The following KAT2B variants were observed in gnomAD, a reference collection of about 807,000 sequenced individuals.
The protein encoded by KAT2B is histone acetyltransferase KAT2B.
In KAT2B, 36 loss-of-function variants were observed where a neutral mutation model predicts 105.9. That is an observed-to-expected ratio of 0.34 (90% confidence interval 0.26 to 0.45). The LOEUF (loss-of-function observed/expected upper bound fraction) is 0.45, where lower values mean the gene tolerates loss of function less well. Ranked by LOEUF, KAT2B falls within the 20% of genes least tolerant of loss-of-function variation. The pLI is 1.00. For synonymous variants in KAT2B, 397 were observed against 377.9 expected (o/e 1.05, Z -0.59); for missense variants, 820 against 1,021.6 (o/e 0.80, Z 2.69).
chr3:20,050,726 C>G (rs1196355688), intron 1 of KAT2B, among the ~76,000 whole-genome samples: 1 of 143,816 alleles, frequency 7.0e-6, no homozygotes, highest in Non-Finnish European at 1.5e-5. Flanking sequence ...TTTTTTGAGA[C>G]GGAGTCTCGC....
intron 1 of KAT2B, among the ~76,000 whole-genome samples, chr3:20,067,280 C>G (rs1481772558): frequency 6.6e-6 from 1 of 152,064 alleles, no homozygotes; most frequent in Non-Finnish European, 1.5e-5. Flanking sequence ...ATTAAGCACT[C>G]TATCACAAGT....
At chr3:20,119,549 A>G (rs763185872) in intron 7 of KAT2B, 49 bp from the exon 8 acceptor site, 3 of 1,608,924 alleles carry the variant, frequency 1.9e-6, no homozygotes, top group Admixed American at 3.3e-5. Context: ...CTTGTTACCT[A>G]AGAAAGGAGT....
At chr3:20,074,846 T>C (rs940488804) in intron 2 of KAT2B, among the ~76,000 whole-genome samples, 2 of 152,208 alleles carry the variant, frequency 1.3e-5, no homozygotes, top group Non-Finnish European at 2.9e-5. Flanking sequence ...GTGCCTGTTA[T>C]GTGTTTAACT....
intron 2 of KAT2B, among the ~76,000 whole-genome samples, chr3:20,083,896 C>T (rs1030890739): frequency 3.3e-5 from 5 of 151,980 alleles, no homozygotes; most frequent in African/African-American, 7.3e-5. Context: ...AGTCATTTTC[C>T]GTGATGGTGG....
chr3:20,062,487 A>G (rs1052610346), intron 1 of KAT2B, among the ~76,000 whole-genome samples: 2 of 138,182 alleles, frequency 1.4e-5, no homozygotes, highest in Non-Finnish European at 3.0e-5. Context: ...TATTAGAGGT[A>G]GTTTTGCTCT....
At position 20,094,382 on chromosome 3, in the gene KAT2B, G is replaced by A. The variant is rs183059205; in HGVS notation, c.431-881G>A. 3.9e-5 allele frequency among the ~76,000 whole-genome samples: 6 copies of A among 152,238 alleles called. No homozygotes were observed. In the East Asian group the frequency reaches 9.7e-4, roughly 25 times the overall value. On this transcript the variant is annotated intron_variant, in intron 2 of 17. Transcript: ENST00000263754. ...CCATGATCCAATCACTTCCCAGCAG[G>A]TCCCTCCCTTGACATGTGGGGATTG...
intron 9 of KAT2B, among the ~76,000 whole-genome samples, chr3:20,125,611 A>C (rs751031959): frequency 1.3e-5 from 2 of 152,218 alleles, no homozygotes; most frequent in Non-Finnish European, 2.9e-5. Flanking sequence ...AATATTTTCT[A>C]TCTGGCCCTT....
intron 1 of KAT2B, among the ~76,000 whole-genome samples, chr3:20,055,946 G>A (rs1247263962): frequency 6.6e-6 from 1 of 152,128 alleles, no homozygotes; most frequent in Non-Finnish European, 1.5e-5. Flanking sequence ...ATTAATCCGT[G>A]GTGTTGGATG....
chr3:20,046,286 A>G (rs1294504572), intron 1 of KAT2B, among the ~76,000 whole-genome samples: 1 of 152,176 alleles, frequency 6.6e-6, no homozygotes, highest in African/African-American at 2.4e-5. Flanking sequence ...ATTAGTCTTA[A>G]TTGAAAAAAT....
chr3:20,086,757 T>C (rs1168572003), intron 2 of KAT2B, among the ~76,000 whole-genome samples: 1 of 152,138 alleles, frequency 6.6e-6, no homozygotes, highest in Non-Finnish European at 1.5e-5. Context: ...TTAAACTGTC[T>C]TCCTCTAGGA....
At chr3:20,143,629 A>G (rs12639214) in intron 13 of KAT2B, among the ~76,000 whole-genome samples, 42,145 of 152,120 alleles carry the variant, frequency 0.28, 6,381 homozygotes, top group East Asian at 0.58. Context: ...CATGAAATCA[A>G]TTCAGGTGCC....
intron 2 of KAT2B, among the ~76,000 whole-genome samples, chr3:20,086,206 G>A (rs912944721): frequency 6.6e-6 from 1 of 152,054 alleles, no homozygotes; most frequent in African/African-American, 2.4e-5. Flanking sequence ...CAGAAAAGTC[G>A]AGGCTGCAGT....
Position 20,114,916 on chromosome 3 carries a change from C to A in KAT2B, c.1078C>A (p.Gln360Lys). 5 of 1,611,550 alleles carry A rather than the reference C, an allele frequency of 3.1e-6. No homozygotes were observed. The highest frequency in any genetic ancestry group is 3.4e-6 in the Non-Finnish European group (4 of 1,177,960). The stretch of plus-strand genomic sequence containing the variant: ...CATGCTAGAAGAAGAAGTATATAGT[C>A]AAAACTCTCCCATCTGGGATCAGGA... ...LSMLEEEVYS[Q>K]NSPIWDQDFL... The change falls in exon 7 of 18, where the codon CAA (glutamine) becomes AAA (lysine). Residue 360 changes from glutamine to lysine, a missense_variant. Transcript: ENST00000263754.
At chr3:20,117,828 A>C (rs1178933569) in intron 7 of KAT2B, among the ~76,000 whole-genome samples, 1 of 152,194 alleles carries the variant, frequency 6.6e-6, no homozygotes, top group African/African-American at 2.4e-5. Context: ...CCAGTCAGCA[A>C]CACAGCTAGC....
intron 11 of KAT2B, among the ~76,000 whole-genome samples, chr3:20,131,270 C>G (rs1699507113): frequency 6.6e-6 from 1 of 152,056 alleles, no homozygotes; most frequent in South Asian, 2.1e-4. Context: ...CTGCTTCGGC[C>G]TCCCAAAGTG....
At chr3:20,052,332 A>T (rs890960815) in intron 1 of KAT2B, among the ~76,000 whole-genome samples, 2 of 152,232 alleles carry the variant, frequency 1.3e-5, no homozygotes, top group African/African-American at 4.8e-5. Context: ...TAGAAGCTCC[A>T]TGAAGCGGAG....
chr3:20,121,442 GA>G (rs1004453767), intron 8 of KAT2B, among the ~76,000 whole-genome samples: 5 of 152,064 alleles, frequency 3.3e-5, no homozygotes, highest in African/African-American at 7.2e-5. Flanking sequence ...ATAGAAAGGA[GA>G]AAAAAACTAC....
intron 2 of KAT2B, among the ~76,000 whole-genome samples, chr3:20,082,857 G>A (rs971393985): frequency 7.9e-5 from 12 of 151,932 alleles, no homozygotes; most frequent in Admixed American, 6.6e-5. Context: ...ATTCAAGGTG[G>A]TAAGAAAAAG....
chr3:20,131,378 C>T (rs1274505349), intron 11 of KAT2B, among the ~76,000 whole-genome samples: 2 of 151,982 alleles, frequency 1.3e-5, no homozygotes, highest in African/African-American at 2.4e-5. Flanking sequence ...TGAGACATCA[C>T]ACTGCCCAAG....
Sources: allele counts gnomAD v4.1 joint callset (sites outside exome capture counted in the v4.1 genomes callset), GRCh38; gene constraint gnomAD v4.1.1; transcripts MANE v1.5; gene names NCBI Gene and HGNC (gene_info 2026-07-23, HGNC 2026-07-21).